Variants in CCDC186 observed in about 807,000 individuals in gnomAD.
The protein encoded by CCDC186 is coiled-coil domain containing 186.
CCDC186 carries 49 observed loss-of-function variants against 113.7 expected under a neutral mutation model. The ratio of observed to expected loss-of-function variants is 0.43; its 90% confidence interval spans 0.34 to 0.55. The LOEUF (loss-of-function observed/expected upper bound fraction) is 0.55, where lower values mean the gene tolerates loss of function less well. Ranked by LOEUF, CCDC186 falls within the 20% of genes least tolerant of loss-of-function variation. The pLI is 0.02. For synonymous variants in CCDC186, 355 were observed against 345.8 expected (o/e 1.03, Z -0.30); for missense variants, 890 against 1,011.1 (o/e 0.88, Z 1.62).
chr10:114,134,791 A>T, intron 10 of CCDC186, 122 bp downstream of exon 10: 2 of 1,029,360 alleles, frequency 1.9e-6, no homozygotes, highest in South Asian at 1.5e-5. Flanking sequence ...GAAAATATTT[A>T]AAAATTTCAG....
At chr10:114,134,586 G>C (rs1201385647) in intron 10 of CCDC186, among the ~76,000 whole-genome samples, 2 of 152,188 alleles carry the variant, frequency 1.3e-5, no homozygotes, top group African/African-American at 4.8e-5. Flanking sequence ...CGAAGATCTA[G>C]AGCAAGATTT....
intron 7 of CCDC186, 50 bp downstream of exon 7, chr10:114,137,136 C>A: frequency 7.2e-7 from 1 of 1,390,098 alleles, no homozygotes; most frequent in Non-Finnish European, 1.0e-6. Flanking sequence ...AAAGAGAGAA[C>A]TGATATTTGC....
At chr10:114,149,624 A>AAGGGAAGGG (rs1564912732) in intron 4 of CCDC186, among the ~76,000 whole-genome samples, 316 of 17,086 alleles carry the variant, frequency 0.018, 12 homozygotes, top group African/African-American at 0.077. Context: ...GAAGGGAAGG[A>AAGGGAAGGG]AAGGGAGGGG....
chr10:114,145,150 T>C (rs535042715), intron 5 of CCDC186, among the ~76,000 whole-genome samples: 60 of 152,258 alleles, frequency 3.9e-4, no homozygotes, highest in African/African-American at 1.4e-3. Context: ...TATGGTGATG[T>C]GTTATATTAA....
chr10:114,160,488 T>C (rs977973308), intron 2 of CCDC186, among the ~76,000 whole-genome samples: 2 of 152,166 alleles, frequency 1.3e-5, no homozygotes, highest in African/African-American at 4.8e-5. Flanking sequence ...TAATATCATA[T>C]TGTACACTTG....
At chr10:114,129,307 C>A (rs1367131320) in intron 13 of CCDC186, among the ~76,000 whole-genome samples, 1 of 144,598 alleles carries the variant, frequency 6.9e-6, no homozygotes, top group African/African-American at 2.6e-5. Flanking sequence ...TGAGTTAAGA[C>A]CTGTCTCAAA....
chr10:114,143,694 G>A (rs889807912), intron 6 of CCDC186, among the ~76,000 whole-genome samples: 1 of 151,932 alleles, frequency 6.6e-6, no homozygotes, highest in Non-Finnish European at 1.5e-5. Flanking sequence ...TATAACCAAG[G>A]GTTATTAGCA....
intron 1 of CCDC186, among the ~76,000 whole-genome samples, chr10:114,165,745 G>T (rs1309443274): frequency 6.6e-6 from 1 of 151,328 alleles, no homozygotes; most frequent in African/African-American, 2.4e-5. Flanking sequence ...CTACTCGGGA[G>T]GCTGAGACAG....
chr10:114,163,651 C>T (rs1047897570), intron 1 of CCDC186, among the ~76,000 whole-genome samples: 4 of 152,148 alleles, frequency 2.6e-5, no homozygotes, highest in South Asian at 4.1e-4. Context: ...AGCAACTAGA[C>T]GAGTGCCAAA....
At chr10:114,149,746 C>CAGGA (rs1564912857) in intron 4 of CCDC186, among the ~76,000 whole-genome samples, 1 of 23,458 alleles carries the variant, frequency 4.3e-5, no homozygotes, top group Non-Finnish European at 8.8e-5. Flanking sequence ...GGAAGGAAGG[C>CAGGA]AGGAAGGCAG....
intron 4 of CCDC186, among the ~76,000 whole-genome samples, chr10:114,146,663 T>G (rs768128719): frequency 6.6e-6 from 1 of 152,250 alleles, no homozygotes; most frequent in Non-Finnish European, 1.5e-5. Context: ...CAAATAGTCC[T>G]TCTTTGAAGT....
At chr10:114,173,235 T>C in intron 1 of CCDC186, 1 of 455,326 alleles carries the variant, frequency 2.2e-6, no homozygotes, top group South Asian at 1.6e-5. Context: ...CTAATCCAGA[T>C]GTTCTGACTC....
intron 1 of CCDC186, among the ~76,000 whole-genome samples, chr10:114,163,582 C>T (rs1473478724): frequency 6.6e-6 from 1 of 152,164 alleles, no homozygotes; most frequent in East Asian, 1.9e-4. Context: ...TAATTAATTT[C>T]AGTTGTAGTC....
At chr10:114,131,653 A>G (rs1255366141) in intron 11 of CCDC186, among the ~76,000 whole-genome samples, 2 of 152,204 alleles carry the variant, frequency 1.3e-5, no homozygotes, top group Non-Finnish European at 2.9e-5. Flanking sequence ...AATTTAAAGT[A>G]CCTTTTAAAA....
chr10:114,126,273 A>G (rs983203126), intron 14 of CCDC186, among the ~76,000 whole-genome samples, 168 bp from the exon 15 acceptor site: 3 of 152,188 alleles, frequency 2.0e-5, no homozygotes, highest in Non-Finnish European at 4.4e-5. Flanking sequence ...AAACTATCTC[A>G]TTTTTGTTCT....
chr10:114,124,924 T>C lies in CCDC186; in HGVS notation c.*219A>G. The C allele has an allele frequency of 4.9e-6, 2 of 410,742 alleles. No individual in the cohort carries two copies. The highest frequency in any genetic ancestry group is 3.7e-5 in the East Asian group (1 of 27,302). 25.4% of individuals were successfully genotyped at this position (410,742 alleles called of 1,614,324 possible). Reference sequence around the variant, plus strand: ...GTTTAGATTCAATGACAGGCTGTCATATTGCACCATACAAAAACAAATTTC... The same window carrying C: ...GTTTAGATTCAATGACAGGCTGTCACATTGCACCATACAAAAACAAATTTC... On this transcript the variant is annotated 3_prime_UTR_variant, in exon 16 of 16. Transcript: ENST00000369287.
intron 4 of CCDC186, 81 bp downstream of exon 4, chr10:114,151,011 T>C (rs749248887): frequency 1.2e-5 from 18 of 1,519,098 alleles, no homozygotes; most frequent in Non-Finnish European, 1.5e-5. Context: ...AGGTCCAAAA[T>C]AGTCTAACAG....
chr10:114,145,774 T>C lies in CCDC186; in HGVS notation c.889-13A>G, dbSNP rs1441157665. On this transcript the variant is annotated splice_polypyrimidine_tract_variant and intron_variant, in intron 4 of 15. Coordinates refer to ENST00000369287, the MANE Select transcript of CCDC186 (RefSeq NM_018017.4). ...ATTTCTTGTTGGCCTTCAAAAAAAA[T>C]ATTACTTAGCATTAATGAAAAATAA... 6.4e-7 allele frequency: 1 copy of C among 1,565,430 alleles called. No homozygotes were observed. Among genetic ancestry groups the C allele is most frequent in the Non-Finnish European group, 8.6e-7 (1 of 1,162,618 alleles).
chr10:114,170,806 C>T (rs2032473008), intron 1 of CCDC186, among the ~76,000 whole-genome samples: 1 of 152,028 alleles, frequency 6.6e-6, no homozygotes, highest in Non-Finnish European at 1.5e-5. Flanking sequence ...TTATATCACA[C>T]ACACACACAC....
Sources: allele counts gnomAD v4.1 joint callset (sites outside exome capture counted in the v4.1 genomes callset), GRCh38; gene constraint gnomAD v4.1.1; transcripts MANE v1.5; gene names NCBI Gene and HGNC (gene_info 2026-07-23, HGNC 2026-07-21).